Variants in DOK6 observed in about 807,000 individuals in gnomAD.
DOK6 encodes the protein downstream of tyrosine kinase 6.
In DOK6, 22 loss-of-function variants were observed where a neutral mutation model predicts 44.0. That is an observed-to-expected ratio of 0.50 (90% CI 0.36 to 0.71). The LOEUF is 0.71. DOK6 is among the 30% of genes least tolerant of loss of function. DOK6 has a pLI of 0.00. For missense variants in DOK6, 340 were observed against 416.4 expected (o/e 0.82, Z 1.60); for synonymous variants, 166 against 145.5 (o/e 1.14, Z -1.01).
intron 5 of DOK6, among the ~76,000 whole-genome samples, chr18:69,708,513 G>A (rs150003715): frequency 1.4e-3 from 220 of 152,294 alleles, no homozygotes; most frequent in African/African-American, 5.0e-3. Context: ...GAGGCCGGGT[G>A]TGGTGGCTCA....
At chr18:69,719,024 TG>T (rs1429355529) in intron 5 of DOK6, among the ~76,000 whole-genome samples, 2 of 152,194 alleles carry the variant, frequency 1.3e-5, no homozygotes, top group Non-Finnish European at 2.9e-5. Context: ...CTGAAATTGT[TG>T]GAAAAAAATG....
At chr18:69,605,945 C>A (rs1040406431) in intron 3 of DOK6, among the ~76,000 whole-genome samples, 2 of 152,112 alleles carry the variant, frequency 1.3e-5, no homozygotes, top group African/African-American at 4.8e-5. Flanking sequence ...AATATAACTG[C>A]CCATTTTTTG....
chr18:69,588,969 A>T (rs953458993), intron 2 of DOK6, among the ~76,000 whole-genome samples: 1 of 152,118 alleles, frequency 6.6e-6, no homozygotes, highest in Non-Finnish European at 1.5e-5. Flanking sequence ...TGTCTGTCAC[A>T]GGTAGCTTTA....
intron 7 of DOK6, among the ~76,000 whole-genome samples, chr18:69,768,392 C>T (rs1026567229): frequency 1.3e-4 from 19 of 151,642 alleles, no homozygotes; most frequent in African/African-American, 4.4e-4. Flanking sequence ...TCATATACTT[C>T]CCTCAAACAT....
intron 2 of DOK6, among the ~76,000 whole-genome samples, chr18:69,574,681 A>T (rs768399317): frequency 2.6e-5 from 4 of 152,104 alleles, no homozygotes; most frequent in Non-Finnish European, 1.5e-5. Context: ...AAAAAATTGC[A>T]TGGGGCAATA....
intron 3 of DOK6, among the ~76,000 whole-genome samples, chr18:69,603,366 C>T (rs1490006842): frequency 6.6e-6 from 1 of 152,102 alleles, no homozygotes; most frequent in Non-Finnish European, 1.5e-5. Flanking sequence ...TACAGAGTGC[C>T]CTGTAGACAT....
At chr18:69,684,139 T>C (rs1004153496) in intron 4 of DOK6, among the ~76,000 whole-genome samples, 1 of 152,204 alleles carries the variant, frequency 6.6e-6, no homozygotes, top group African/African-American at 2.4e-5. Flanking sequence ...CATTTTACTT[T>C]TATTATTTGA....
At chr18:69,818,069 T>C (rs761601238) in intron 7 of DOK6, among the ~76,000 whole-genome samples, 4 of 152,160 alleles carry the variant, frequency 2.6e-5, no homozygotes, top group Non-Finnish European at 4.4e-5. Context: ...CAAATACCTA[T>C]GGAAGGAAGG....
intron 3 of DOK6, among the ~76,000 whole-genome samples, chr18:69,624,823 T>C (rs1599228314): frequency 6.6e-6 from 1 of 152,244 alleles, no homozygotes; most frequent in East Asian, 1.9e-4. Flanking sequence ...GATAGTGTTT[T>C]GTATATTCTT....
At chr18:69,620,369 G>A (rs1466763659) in intron 3 of DOK6, among the ~76,000 whole-genome samples, 1 of 152,000 alleles carries the variant, frequency 6.6e-6, no homozygotes, top group Non-Finnish European at 1.5e-5. Flanking sequence ...AATTACACAA[G>A]GCTATATTTT....
intron 3 of DOK6, among the ~76,000 whole-genome samples, chr18:69,623,697 T>C (rs1385812604): frequency 6.6e-6 from 1 of 152,224 alleles, no homozygotes; most frequent in Non-Finnish European, 1.5e-5. Flanking sequence ...TGTGCTTCTC[T>C]TACAGTGTCC....
chr18:69,629,522 A>G (rs575206557), intron 3 of DOK6, among the ~76,000 whole-genome samples: 1 of 152,340 alleles, frequency 6.6e-6, no homozygotes, highest in East Asian at 1.9e-4. Context: ...GAAATTTGCA[A>G]TATAAATGTT....
intron 7 of DOK6, among the ~76,000 whole-genome samples, chr18:69,774,786 G>A (rs1236040836): frequency 1.3e-5 from 2 of 151,894 alleles, no homozygotes; most frequent in African/African-American, 4.8e-5. Flanking sequence ...TACAGCAAAT[G>A]GGGATGAGGT....
chr18:69,402,458 A>G (rs1181555121), intron 1 of DOK6, among the ~76,000 whole-genome samples: 2 of 152,222 alleles, frequency 1.3e-5, no homozygotes, highest in African/African-American at 4.8e-5. Context: ...GTAGTGTTAG[A>G]GAGTGGAAGA....
In DOK6 at chr18:69,692,253, C is replaced by T. The variant is rs576984061; in HGVS notation, c.410-6151C>T. On this transcript the variant is annotated intron_variant, in intron 4 of 7. Transcript: ENST00000382713. ...TTTGAGACTTTAAAATTATCAATTA[C>T]ACCAGTCATCTCATCTGAGACATAA... Among the ~76,000 whole-genome samples the T allele has an allele frequency of 3.3e-5, 5 of 152,300 alleles. No individual in the cohort carries two copies. The South Asian group carries it at 6.2e-4, about 19-fold the overall frequency.
chr18:69,577,917 T>C (rs1983276379), intron 2 of DOK6, among the ~76,000 whole-genome samples: 1 of 152,114 alleles, frequency 6.6e-6, no homozygotes, highest in Non-Finnish European at 1.5e-5. Flanking sequence ...AATAATGCCG[T>C]GGAAAGCAGA....
At chr18:69,497,102 T>C (rs546833772) in intron 1 of DOK6, among the ~76,000 whole-genome samples, 19 of 152,324 alleles carry the variant, frequency 1.2e-4, no homozygotes, top group Admixed American at 9.8e-4. Flanking sequence ...GAGTTAGTAT[T>C]GACCATCCAT....
At chr18:69,466,710 G>C (rs17080941) in intron 1 of DOK6, among the ~76,000 whole-genome samples, 10,746 of 151,340 alleles carry the variant, frequency 0.071, 418 homozygotes, top group Middle Eastern at 0.13. Context: ...TCATTGATCA[G>C]TTAACAATGT....
At chr18:69,613,955 T>C (rs2144633262) in intron 3 of DOK6, among the ~76,000 whole-genome samples, 1 of 145,764 alleles carries the variant, frequency 6.9e-6, no homozygotes, top group African/African-American at 2.7e-5. Context: ...ATTAATCTTT[T>C]ATTTTTTATT....
Sources: allele counts gnomAD v4.1 joint callset (sites outside exome capture counted in the v4.1 genomes callset), GRCh38; gene constraint gnomAD v4.1.1; transcripts MANE v1.5; gene names NCBI Gene and HGNC (gene_info 2026-07-23, HGNC 2026-07-21).